CCDC178: variants seen among roughly 807,000 people sequenced by gnomAD.
CCDC178 encodes coiled-coil domain containing 178.
Under a neutral mutation model 117.4 loss-of-function variants are expected in CCDC178, and 126 were observed. The observed-to-expected ratio is 1.07, with a 90% CI of 0.93 to 1.24. The LOEUF (loss-of-function observed/expected upper bound fraction) is 1.24, where lower values mean the gene tolerates loss of function less well. Among genes scored for constraint, CCDC178 ranks in the 50% most tolerant of loss-of-function variants. The pLI is 0.00. For missense variants in CCDC178, 1,030 were observed against 986.9 expected (o/e 1.04, Z -0.59); for synonymous variants, 283 against 313.4 (o/e 0.90, Z 1.02).
chr18:33,091,191 G>A (rs752602156), intron 21 of CCDC178, among the ~76,000 whole-genome samples: 13 of 152,052 alleles, frequency 8.5e-5, no homozygotes, highest in East Asian at 1.9e-4. Context: ...TGTCAAATGC[G>A]TGAAGTGATT....
chr18:32,961,393 T>TTTA (rs1204481819), intron 22 of CCDC178, among the ~76,000 whole-genome samples: 1 of 152,142 alleles, frequency 6.6e-6, no homozygotes, highest in African/African-American at 2.4e-5. Context: ...TTATCTGATA[T>TTTA]TAATATAGAC....
chr18:33,314,200 C>CAA (rs869127341), intron 11 of CCDC178, among the ~76,000 whole-genome samples: 1,175 of 62,354 alleles, frequency 0.019, 112 homozygotes, highest in Non-Finnish European at 0.021. Flanking sequence ...GACTCCGTCT[C>CAA]AAAAAAAAAA....
intron 20 of CCDC178, among the ~76,000 whole-genome samples, chr18:33,102,716 G>C (rs758640104): frequency 1.1e-4 from 17 of 151,684 alleles, no homozygotes; most frequent in Non-Finnish European, 2.2e-4. Flanking sequence ...AAATATCTAA[G>C]GCAATTTTCT....
intron 21 of CCDC178, among the ~76,000 whole-genome samples, chr18:32,980,093 A>G (rs2055117150): frequency 6.6e-6 from 1 of 152,208 alleles, no homozygotes; most frequent in South Asian, 2.1e-4. Context: ...TTAAAAAAAC[A>G]TGACACAACT....
At chr18:33,222,468 GA>G (rs1161554600) in intron 18 of CCDC178, among the ~76,000 whole-genome samples, 1 of 152,076 alleles carries the variant, frequency 6.6e-6, no homozygotes, top group Admixed American at 6.6e-5. Context: ...GGCAACAACA[GA>G]TTTGGTGTCT....
intron 21 of CCDC178, among the ~76,000 whole-genome samples, chr18:32,995,935 A>ATATCTC (rs1298494427): frequency 6.6e-6 from 1 of 151,500 alleles, no homozygotes; most frequent in Non-Finnish European, 1.5e-5. Context: ...ATCTATATCT[A>ATATCTC]TATCTATATC....
At chr18:33,284,785 A>G (rs2060076867) in intron 12 of CCDC178, among the ~76,000 whole-genome samples, 1 of 152,190 alleles carries the variant, frequency 6.6e-6, no homozygotes, top group African/African-American at 2.4e-5. Flanking sequence ...TTTGTGGGGC[A>G]GATCCCGACT....
intron 6 of CCDC178, 57 bp downstream of exon 6, chr18:33,369,993 T>A: frequency 1.4e-6 from 2 of 1,406,928 alleles, no homozygotes; most frequent in East Asian, 5.2e-5. Flanking sequence ...AAATAACCAA[T>A]CCTTAGAGGG....
chr18:33,307,588 G>T (rs1047268978), intron 11 of CCDC178, among the ~76,000 whole-genome samples: 4 of 152,204 alleles, frequency 2.6e-5, no homozygotes, highest in Non-Finnish European at 5.9e-5. Flanking sequence ...GCATACATTT[G>T]CATAAGTAAC....
intron 20 of CCDC178, among the ~76,000 whole-genome samples, chr18:33,106,160 A>G (rs573116177): frequency 6.6e-6 from 1 of 151,708 alleles, no homozygotes; most frequent in Non-Finnish European, 1.5e-5. Context: ...GGGAGAAGCA[A>G]TGCTCCTCAG....
At chr18:33,436,181 G>C (rs1232716878) in intron 2 of CCDC178, among the ~76,000 whole-genome samples, 2 of 152,098 alleles carry the variant, frequency 1.3e-5, no homozygotes, top group Non-Finnish European at 2.9e-5. Flanking sequence ...CAAGAGAAAG[G>C]AGTTGCAACC....
chr18:33,213,997 AT>A (rs1180809178), intron 19 of CCDC178, among the ~76,000 whole-genome samples: 1 of 152,024 alleles, frequency 6.6e-6, no homozygotes, highest in Admixed American at 6.6e-5. Context: ...GTGGGAACTT[AT>A]TGAAAATATC....
chr18:33,193,078 T>C (rs2058881059), intron 20 of CCDC178, among the ~76,000 whole-genome samples: 1 of 148,514 alleles, frequency 6.7e-6, no homozygotes, highest in Non-Finnish European at 1.5e-5. Context: ...GCTTACACGG[T>C]GAAACCCCGT....
chr18:33,424,500 AAGTTCAT>A (rs2064086498), intron 2 of CCDC178, among the ~76,000 whole-genome samples: 1 of 152,144 alleles, frequency 6.6e-6, no homozygotes, highest in Admixed American at 6.5e-5. Context: ...CTATTTGTGT[AAGTTCAT>A]ACTTGGTTCT....
Position 33,268,745 on chromosome 18 carries a change from A to C in CCDC178, c.1177-1448T>G, listed in dbSNP as rs115308743. Reference sequence around the variant, plus strand: ...AGATTATGTCCTTGCAGAGACATCAATGAAAATAGTGAAGCAGGAGTCTCT... The same window carrying C: ...AGATTATGTCCTTGCAGAGACATCACTGAAAATAGTGAAGCAGGAGTCTCT... On this transcript the variant is annotated intron_variant, in intron 12 of 22. Coordinates refer to ENST00000383096, the MANE Select transcript of CCDC178 (RefSeq NM_001105528.4). Among the ~76,000 whole-genome samples, 996 of 152,012 alleles carry C rather than the reference A, an allele frequency of 6.6e-3. 13 individuals carry two copies. Among genetic ancestry groups the C allele is most frequent in the African/African-American group, 0.022 (923 of 41,524 alleles).
intron 2 of CCDC178, among the ~76,000 whole-genome samples, chr18:33,428,500 G>A (rs866047574): frequency 5.3e-5 from 8 of 151,920 alleles, no homozygotes; most frequent in Non-Finnish European, 8.8e-5. Flanking sequence ...TTGGGAGGCC[G>A]AGGCAGGCAG....
At chr18:33,300,355 T>A (rs2062161293) in intron 11 of CCDC178, among the ~76,000 whole-genome samples, 1 of 152,200 alleles carries the variant, frequency 6.6e-6, no homozygotes, top group Admixed American at 6.5e-5. Flanking sequence ...AATGGCTTAA[T>A]AAATAAAATT....
At chr18:33,351,981 T>G (rs1193706127) in intron 7 of CCDC178, among the ~76,000 whole-genome samples, 1 of 152,126 alleles carries the variant, frequency 6.6e-6, no homozygotes, top group East Asian at 1.9e-4. Flanking sequence ...TTTGGAAGAG[T>G]TTGAGAAGGA....
intron 21 of CCDC178, among the ~76,000 whole-genome samples, chr18:33,028,251 CAG>C (rs901797305): frequency 2.0e-5 from 3 of 151,630 alleles, no homozygotes; most frequent in African/African-American, 7.3e-5. Context: ...CTTGTCAAGA[CAG>C]AAGTGAGATA....
Sources: gnomAD v4.1 joint callset for allele counts (sites outside exome capture counted in the v4.1 genomes callset) on GRCh38, gnomAD v4.1.1 for gene constraint, MANE v1.5 for transcripts, NCBI Gene and HGNC (gene_info 2026-07-23, HGNC 2026-07-21) for gene names.